The following ADCY5 variants were observed in gnomAD, a reference collection of about 807,000 sequenced individuals.
ADCY5 encodes adenylate cyclase 5.
Under a neutral mutation model 119.7 loss-of-function variants are expected in ADCY5, and 30 were observed. The ratio of observed to expected loss-of-function variants is 0.25; its 90% CI spans 0.19 to 0.34. The LOEUF (loss-of-function observed/expected upper bound fraction) is 0.34, where lower values mean the gene tolerates loss of function less well. Ranked by LOEUF, ADCY5 falls within the 10% of genes least tolerant of loss-of-function variation. ADCY5 has a pLI of 1.00. For synonymous variants in ADCY5, 753 were observed against 762.2 expected, an observed-to-expected ratio of 0.99 and a Z score of 0.20; for missense variants, 1,324 against 1,775.2, an observed-to-expected ratio of 0.75 and a Z score of 4.57.
At chr3:123,395,570 T>C (rs1944515641) in intron 1 of ADCY5, among the ~76,000 whole-genome samples, 1 of 152,164 alleles carries the variant, frequency 6.6e-6, no homozygotes, top group South Asian at 2.1e-4. Flanking sequence ...AATAAACTTT[T>C]GCTGGATTTG....
At chr3:123,428,399 T>C (rs1005385717) in intron 1 of ADCY5, among the ~76,000 whole-genome samples, 16 of 152,180 alleles carry the variant, frequency 1.1e-4, no homozygotes, top group African/African-American at 2.2e-4. Context: ...TCTCTGGCTG[T>C]TGACATAGGT....
rs1355438535 is a variant in ADCY5, at chr3:123,284,143, T to C, written c.*465A>G. The C allele has an allele frequency of 1.9e-5, 3 of 161,654 alleles. No homozygotes were observed. The highest frequency in any genetic ancestry group is 7.2e-5 in the African/African-American group (3 of 41,554). The allele number at this position is 161,654 out of a possible 1,614,324, so 10.0% of individuals were successfully genotyped here. ...TGCCAAAGCCCCTGCAGGTGCAGGGTGGTGGCCTGTCTGAAGTTTAAAGGC... is the reference window on the plus strand; with the variant it reads ...TGCCAAAGCCCCTGCAGGTGCAGGGCGGTGGCCTGTCTGAAGTTTAAAGGC... On this transcript the variant is annotated 3_prime_UTR_variant, in exon 21 of 21. Transcript: ENST00000462833.
At chr3:123,373,404 A>C (rs1943702102) in intron 1 of ADCY5, among the ~76,000 whole-genome samples, 1 of 152,238 alleles carries the variant, frequency 6.6e-6, no homozygotes, top group Non-Finnish European at 1.5e-5. Context: ...TTGATACCAG[A>C]GGGATGGAGA....
chr3:123,306,515 A>G (rs1214051293), intron 12 of ADCY5, among the ~76,000 whole-genome samples: 1 of 148,636 alleles, frequency 6.7e-6, no homozygotes, highest in Non-Finnish European at 1.5e-5. Flanking sequence ...ATCAAAAAAG[A>G]AAAAAACAGA....
At chr3:123,420,794 T>G (rs987745324) in intron 1 of ADCY5, among the ~76,000 whole-genome samples, 2 of 152,184 alleles carry the variant, frequency 1.3e-5, no homozygotes, top group Non-Finnish European at 2.9e-5. Flanking sequence ...AAATCTATTG[T>G]CTCACAGTTC....
chr3:123,331,200 G>A (rs1420816349), intron 4 of ADCY5, among the ~76,000 whole-genome samples, 184 bp from the exon 5 acceptor site: 1 of 152,230 alleles, frequency 6.6e-6, no homozygotes, highest in African/African-American at 2.4e-5. Context: ...ATTGGGGAGG[G>A]AGGGATTGTG....
intron 1 of ADCY5, among the ~76,000 whole-genome samples, chr3:123,397,286 T>C (rs1172428145): frequency 6.6e-6 from 1 of 152,204 alleles, no homozygotes; most frequent in East Asian, 1.9e-4. Context: ...GCAGGAGTCC[T>C]GCCTGTGCTC....
At chr3:123,428,005 T>A (rs1043194239) in intron 1 of ADCY5, among the ~76,000 whole-genome samples, 1 of 152,156 alleles carries the variant, frequency 6.6e-6, no homozygotes, top group Non-Finnish European at 1.5e-5. Context: ...TTGGGAGGCA[T>A]GCTAGGTTCA....
intron 13 of ADCY5, among the ~76,000 whole-genome samples, chr3:123,303,837 A>AG (rs1491167499): frequency 1.5e-4 from 20 of 135,460 alleles, no homozygotes; most frequent in South Asian, 7.0e-4. Context: ...AACTGGAAAG[A>AG]AAAGAGAAGA....
At chr3:123,364,935 C>CT (rs376085783) in intron 1 of ADCY5, among the ~76,000 whole-genome samples, 27,493 of 137,070 alleles carry the variant, frequency 0.2, 2,932 homozygotes, top group Middle Eastern at 0.27. Context: ...GTGTTTTTCA[C>CT]TTTTTTTTTT....
rs1266876998 is a variant in ADCY5 at position 123,447,420 on chromosome 3, G to A, written c.1126C>T (p.Leu376=). 6 of 1,577,300 alleles carry A rather than the reference G, an allele frequency of 3.8e-6. No individual in the cohort carries two copies. The South Asian group carries it at 5.8e-5, about 15-fold the overall frequency. ...GCCAGGTCGGCCCCTACCTGCTTCA[G>A]CAGGAACTGGTCCTGGGCGTTGGTG... ...LRTNAQDQFL[L]KQLVSNVLIF... is the part of the protein sequence containing the mutation. Residue 376 remains leucine, a synonymous_variant, in exon 1 of 21, where the codon CTG becomes TTG. Coordinates refer to ENST00000462833, the MANE Select transcript of ADCY5 (RefSeq NM_183357.3).
chr3:123,319,376 G>GA (rs919150693), intron 10 of ADCY5, among the ~76,000 whole-genome samples: 147 of 140,364 alleles, frequency 1.0e-3, no homozygotes, highest in Non-Finnish European at 1.7e-3. Context: ...AATGAAAAAA[G>GA]AAAAAAAAAA....
chr3:123,347,631 T>A, intron 3 of ADCY5, 151 bp downstream of exon 3: 4 of 1,003,652 alleles, frequency 4.0e-6, no homozygotes, highest in East Asian at 2.5e-5. Flanking sequence ...TTAACACACC[T>A]GGAGGGGTGG....
intron 1 of ADCY5, among the ~76,000 whole-genome samples, chr3:123,436,025 G>A (rs1945608483): frequency 6.6e-6 from 1 of 150,748 alleles, no homozygotes; most frequent in South Asian, 2.1e-4. Flanking sequence ...CAAGTAGCTG[G>A]GACTACAGGT....
At chr3:123,360,345 T>G (rs1682738426) in intron 1 of ADCY5, among the ~76,000 whole-genome samples, 1 of 152,092 alleles carries the variant, frequency 6.6e-6, no homozygotes, top group Non-Finnish European at 1.5e-5. Flanking sequence ...CCAGCTAGGA[T>G]CTAGCTGCTC....
In ADCY5 at chr3:123,365,248, C is replaced by T. The variant is rs954991660; in HGVS notation, c.1135-12667G>A. On this transcript the variant is annotated intron_variant, in intron 1 of 20. Transcript: ENST00000462833. Reference sequence around the variant, plus strand: ...CTGGGATTACAGGCGTAAGCCACCGCGCCCAGCCTTCATTTAATATTGTAA... The same window carrying T: ...CTGGGATTACAGGCGTAAGCCACCGTGCCCAGCCTTCATTTAATATTGTAA... Among the ~76,000 whole-genome samples, 11 of 152,360 alleles carry T rather than the reference C, an allele frequency of 7.2e-5. No homozygotes were observed. In the East Asian group the frequency reaches 9.6e-4, roughly 13 times the overall value.
chr3:123,408,562 G>A (rs950101958), intron 1 of ADCY5, among the ~76,000 whole-genome samples: 6 of 151,680 alleles, frequency 4.0e-5, no homozygotes, highest in Admixed American at 2.0e-4. Flanking sequence ...AGGCTGAGGC[G>A]GAAGAATCAC....
At chr3:123,403,127 C>T (rs1944817006) in intron 1 of ADCY5, among the ~76,000 whole-genome samples, 1 of 152,106 alleles carries the variant, frequency 6.6e-6, no homozygotes, top group Non-Finnish European at 1.5e-5. Flanking sequence ...CGCCTGTACT[C>T]CCAGCATTTC....
intron 7 of ADCY5, among the ~76,000 whole-genome samples, chr3:123,325,772 T>C (rs1051915869): frequency 1.3e-5 from 2 of 152,236 alleles, no homozygotes; most frequent in South Asian, 4.1e-4. Context: ...TCCCTGTAAG[T>C]TCGACTGTAA....
Sources: allele counts gnomAD v4.1 joint callset (sites outside exome capture counted in the v4.1 genomes callset), GRCh38; gene constraint gnomAD v4.1.1; transcripts MANE v1.5; gene names NCBI Gene and HGNC (gene_info 2026-07-23, HGNC 2026-07-21).